MTOR: variants seen among roughly 807,000 people sequenced by gnomAD.
MTOR encodes the protein mechanistic target of rapamycin kinase.
A neutral mutation model predicts 319.8 loss-of-function variants in MTOR; 70 were observed. The ratio of observed to expected loss-of-function variants is 0.22; its 90% confidence interval spans 0.18 to 0.27. The LOEUF is 0.27. Ranked by LOEUF, MTOR falls within the 10% of genes least tolerant of loss-of-function variation. The pLI is 1.00. For missense variants in MTOR, 1,890 were observed against 3,274.4 expected (o/e 0.58, Z 10.32); for synonymous variants, 1,183 against 1,211.4 (o/e 0.98, Z 0.49).
intron 8 of MTOR, among the ~76,000 whole-genome samples, chr1:11,246,097 G>A (rs1648777521): frequency 6.6e-6 from 1 of 152,180 alleles, no homozygotes; most frequent in African/African-American, 2.4e-5. Flanking sequence ...ATGCAATGAA[G>A]CAAATACTTA....
At chr1:11,194,672 G>A in intron 28 of MTOR, 1 of 1,614,120 alleles carries the variant, frequency 6.2e-7, no homozygotes, top group Non-Finnish European at 8.5e-7. Flanking sequence ...GAGATTTGGG[G>A]GGACCGGAAA....
At chr1:11,119,789 AAAAC>A (rs1371820237) in intron 49 of MTOR, among the ~76,000 whole-genome samples, 2 of 151,412 alleles carry the variant, frequency 1.3e-5, no homozygotes, top group African/African-American at 4.8e-5. Context: ...ACAAACAAAA[AAAAC>A]AAAAACAAAC....
chr1:11,245,745 A>C (rs1648725180), intron 8 of MTOR, among the ~76,000 whole-genome samples: 1 of 152,142 alleles, frequency 6.6e-6, no homozygotes. Context: ...TCTCTACAAA[A>C]AATAAATTTA....
At chr1:11,177,090 G>A (rs982030658) in intron 28 of MTOR, among the ~76,000 whole-genome samples, 1 of 152,076 alleles carries the variant, frequency 6.6e-6, no homozygotes, top group African/African-American at 2.4e-5. Flanking sequence ...AGTACCTCTG[G>A]GTCTGGCAGG....
Position 11,213,544 on chromosome 1 carries a change from G to A in MTOR, c.3140C>T (p.Ser1047Leu). Residue 1047 changes from serine (S) to leucine (L), a missense_variant, in exon 21 of 58, where the codon TCA (serine) becomes TTA (leucine). Transcript: ENST00000361445. ...LMREFWVMNT[S>L]IQSTIILLIE... The stretch of plus-strand genomic sequence containing the variant: ...GAGAAGAATGATCGTGCTCTGAATT[G>A]AGGTGTTCATGACCCAGAATTCCTA... 6.2e-7 allele frequency: 1 copy of A among 1,614,076 alleles called. No individual in the cohort carries two copies. The highest frequency in any genetic ancestry group is 8.5e-7 in the Non-Finnish European group (1 of 1,179,996).
intron 26 of MTOR, among the ~76,000 whole-genome samples, chr1:11,204,046 C>A (rs1441534432): frequency 6.6e-6 from 1 of 152,210 alleles, no homozygotes; most frequent in Non-Finnish European, 1.5e-5. Context: ...AGTCGAGAGT[C>A]ACCTGCACTT....
At chr1:11,177,003 G>C (rs114392589) in intron 28 of MTOR, among the ~76,000 whole-genome samples, 324 of 152,330 alleles carry the variant, frequency 2.1e-3, no homozygotes, top group African/African-American at 7.6e-3. Flanking sequence ...TGACGGGGCA[G>C]AAGGTTGGGA....
chr1:11,135,259 C>T (rs1255906918), intron 36 of MTOR, among the ~76,000 whole-genome samples: 1 of 151,914 alleles, frequency 6.6e-6, no homozygotes, highest in Non-Finnish European at 1.5e-5. Context: ...AAAAACAAAT[C>T]TTTTCTGGTT....
At chr1:11,177,734 A>G (rs1645033250) in intron 28 of MTOR, among the ~76,000 whole-genome samples, 1 of 152,162 alleles carries the variant, frequency 6.6e-6, no homozygotes, top group African/African-American at 2.4e-5. Flanking sequence ...CCCTTAGAAT[A>G]AAGAGGGTAG....
intron 20 of MTOR, among the ~76,000 whole-genome samples, chr1:11,214,185 C>T (rs866886141): frequency 6.6e-6 from 1 of 152,194 alleles, no homozygotes; most frequent in Non-Finnish European, 1.5e-5. Context: ...TCCAGTATTA[C>T]AAATATTTCC....
chr1:11,116,968 G>C, intron 50 of MTOR, 36 bp downstream of exon 50: 4 of 1,491,918 alleles, frequency 2.7e-6, no homozygotes, highest in Middle Eastern at 3.5e-4. Context: ...CTACAATGGA[G>C]AAAGAAGACT....
intron 28 of MTOR, among the ~76,000 whole-genome samples, chr1:11,181,572 A>G (rs1214259186): frequency 6.6e-6 from 1 of 152,122 alleles, no homozygotes; most frequent in African/African-American, 2.4e-5. Flanking sequence ...GGTTGAAACA[A>G]AGGATCTCAA....
chr1:11,229,170 G>C (rs1646939487), intron 18 of MTOR, among the ~76,000 whole-genome samples: 1 of 152,060 alleles, frequency 6.6e-6, no homozygotes, highest in South Asian at 2.1e-4. Context: ...ATGATGGGTT[G>C]GTTTTCTCTA....
rs145676512 is a variant in MTOR at position 11,167,728 on chromosome 1, G to A, written c.4254-211C>T. ...GTGCTCTCCTCCCATGATTCTGGGG[G>A]TCAGTAATGGGAACACTCATCTTGC... On this transcript the variant is annotated intron_variant, in intron 28 of 57. Coordinates refer to ENST00000361445, the MANE Select transcript of MTOR (RefSeq NM_004958.4). Among the ~76,000 whole-genome samples the A allele has an allele frequency of 3.6e-4, 55 of 152,298 alleles. 2 individuals are homozygous for A. The East Asian group carries it at 0.011, about 29-fold the overall frequency.
Position 11,253,716 on chromosome 1 carries a change from T to C in MTOR, c.840+123A>G, listed in dbSNP as rs756621365. On this transcript the variant is annotated intron_variant, in intron 6 of 57. Transcript: ENST00000361445. ...CTTGCTGCTATCTGAAATTATCTTA[T>C]TTACTTATTTATTATGTTTCCTGCC... 40 of 1,095,456 alleles carry C rather than the reference T, an allele frequency of 3.7e-5. No homozygotes were observed. The South Asian group carries it at 4.7e-4, about 13-fold the overall frequency. The allele number at this position is 1,095,456 out of a possible 1,614,324, so 67.9% of individuals were successfully genotyped here.
chr1:11,106,732 C>T lies in MTOR; in HGVS notation c.*753G>A. ...CTGTTTTCTGAGCCCTTGCTCTAAACAGAGTATTTTGACCACTGAAAACAT... is the reference window on the plus strand; with the variant it reads ...CTGTTTTCTGAGCCCTTGCTCTAAATAGAGTATTTTGACCACTGAAAACAT... On this transcript the variant is annotated 3_prime_UTR_variant, in exon 58 of 58. Transcript: ENST00000361445. The T allele has an allele frequency of 1.6e-6, 2 of 1,226,048 alleles. No individual in the cohort carries two copies. The highest frequency in any genetic ancestry group is 2.1e-6 in the Non-Finnish European group (2 of 967,674). 75.9% of individuals were successfully genotyped at this position (1,226,048 alleles called of 1,614,324 possible). A position where few individuals can be genotyped will look rare whatever the true frequency, so the allele number is the denominator to read the frequency against.
intron 19 of MTOR, among the ~76,000 whole-genome samples, chr1:11,227,722 T>C (rs1195197106): frequency 6.6e-6 from 1 of 152,084 alleles, no homozygotes; most frequent in Non-Finnish European, 1.5e-5. Flanking sequence ...TGCCAGCTAA[T>C]AAAATGGAGA....
In MTOR at chr1:11,109,824, C is replaced by T. The variant is rs367885016; in HGVS notation, c.7367-95G>A. The T allele has an allele frequency of 4.8e-6, 5 of 1,041,540 alleles. No individual in the cohort carries two copies. Among genetic ancestry groups the T allele is most frequent in the East Asian group, 2.4e-5 (1 of 41,902 alleles). The allele number at this position is 1,041,540 out of a possible 1,614,324, so 64.5% of individuals were successfully genotyped here. A position where few individuals can be genotyped will look rare whatever the true frequency, so the allele number is the denominator to read the frequency against. ...TTCTCTACGCACTCTATTCCTTTAA[C>T]GCCTGCCCTACCTACCCTAAAGGGG... On this transcript the variant is annotated intron_variant, in intron 54 of 57. Coordinates refer to ENST00000361445, the MANE Select transcript of MTOR (RefSeq NM_004958.4). This position sits in a 1 kb window ranked among gnomAD's most constrained non-coding sequence, Gnocchi z 4.0.
chr1:11,228,513 G>A (rs1646918811), intron 19 of MTOR, among the ~76,000 whole-genome samples, 155 bp downstream of exon 19: 1 of 152,092 alleles, frequency 6.6e-6, no homozygotes, highest in Admixed American at 6.6e-5. Flanking sequence ...ACTGGAGTGA[G>A]CTGATTGTAC....
Sources: gnomAD v4.1 joint callset for allele counts (sites outside exome capture counted in the v4.1 genomes callset) on GRCh38, gnomAD v4.1.1 for gene constraint, Gnocchi (gnomAD v3.1) non-coding constraint, MANE v1.5 for transcripts, NCBI Gene and HGNC (gene_info 2026-07-23, HGNC 2026-07-21) for gene names.